Variants in KSR2 observed in about 807,000 individuals in gnomAD.
KSR2 encodes the protein kinase suppressor of ras 2.
In KSR2, 25 loss-of-function variants were observed where a neutral mutation model predicts 107.8. The observed-to-expected ratio is 0.23, with a 90% CI of 0.17 to 0.32. KSR2 has a LOEUF of 0.32. Ranked by LOEUF, KSR2 falls within the 10% of genes least tolerant of loss-of-function variation. The pLI is 1.00. For missense variants in KSR2, 887 were observed against 1,268.9 expected, an observed-to-expected ratio of 0.70 and a Z score of 4.57; for synonymous variants, 480 against 507.0, an observed-to-expected ratio of 0.95 and a Z score of 0.71.
intron 1 of KSR2, among the ~76,000 whole-genome samples, chr12:117,867,533 G>A (rs897216284): frequency 3.9e-5 from 6 of 152,100 alleles, no homozygotes; most frequent in Non-Finnish European, 5.9e-5. Flanking sequence ...TTTCAATGAC[G>A]CTGGCCATGT....
At chr12:117,527,011 G>T (rs1875213860) in intron 13 of KSR2, 60 bp downstream of exon 13, 1 of 1,468,862 alleles carries the variant, frequency 6.8e-7, no homozygotes, top group Non-Finnish European at 9.5e-7. Context: ...ACGTCAGTCG[G>T]CTTTGCCAAG....
intron 6 of KSR2, 136 bp downstream of exon 6, chr12:117,582,154 G>T: frequency 1.5e-6 from 1 of 671,584 alleles, no homozygotes; most frequent in Non-Finnish European, 2.6e-6. Flanking sequence ...TAGCCGAGCA[G>T]AGGAGAAAGG....
intron 5 of KSR2, among the ~76,000 whole-genome samples, chr12:117,651,901 C>T (rs1737158624): frequency 6.6e-6 from 1 of 152,192 alleles, no homozygotes; most frequent in Admixed American, 6.5e-5. Context: ...CACTCAACTA[C>T]AAAATTTACA....
intron 14 of KSR2, among the ~76,000 whole-genome samples, chr12:117,518,443 T>A (rs1266505422): frequency 1.3e-5 from 2 of 152,218 alleles, no homozygotes; most frequent in African/African-American, 4.8e-5. Flanking sequence ...TAGGTGGAAA[T>A]GGCAAACTGA....
At chr12:117,732,490 A>T (rs1887771703) in intron 4 of KSR2, among the ~76,000 whole-genome samples, 1 of 152,004 alleles carries the variant, frequency 6.6e-6, no homozygotes, top group South Asian at 2.1e-4. Context: ...GGGTTTCACC[A>T]TGTTGGCCAG....
rs1242393082 is a variant in KSR2, at chr12:117,513,997, G to A, written c.2219+10855C>T. Among the ~76,000 whole-genome samples the A allele has an allele frequency of 2.6e-5, 4 of 152,210 alleles. No homozygotes were observed. In the East Asian group the frequency reaches 7.7e-4, roughly 29 times the overall value. ...GTTAATTACAACGTTGTCTCCCTAT[G>A]TAAAGCTGTCCCCATACTCCCAAAT... On this transcript the variant is annotated intron_variant, in intron 14 of 19. Transcript: ENST00000339824.
rs765537350 is a variant in KSR2 at position 117,484,372 on chromosome 12, A to T, written c.2450+44T>A. The T allele has an allele frequency of 8.8e-5, 141 of 1,607,250 alleles. 1 individual carries two copies. The highest frequency in any genetic ancestry group is 5.7e-4 in the South Asian group (51 of 90,054). On this transcript the variant is annotated intron_variant, in intron 16 of 19. Coordinates refer to ENST00000339824, the MANE Select transcript of KSR2 (RefSeq NM_173598.6). The stretch of plus-strand genomic sequence containing the variant: ...TGGACTAACTTCCCACCTCCTGACC[A>T]TCATCTGTCAGGAAACTCTCCGGGT...
In KSR2 at chr12:117,555,274, C is replaced by T. The variant is rs1243071845; in HGVS notation, c.1413G>A (p.Arg471=). ...IHRGDPARLV[R]TESVPCDINN... Reference sequence around the variant, plus strand: ...TGATGTCACACGGAACGGACTCTGTCCGGACTAACCTTGCTGGATCCGTAG... The same window carrying T: ...TGATGTCACACGGAACGGACTCTGTTCGGACTAACCTTGCTGGATCCGTAG... Residue 471 remains arginine, a synonymous_variant, in exon 9 of 20, where the codon CGG becomes CGA. Coordinates refer to ENST00000339824, the MANE Select transcript of KSR2 (RefSeq NM_173598.6). The T allele has an allele frequency of 6.2e-7, 1 of 1,613,922 alleles. No homozygotes were observed. The highest frequency in any genetic ancestry group is 1.1e-5 in the South Asian group (1 of 91,070).
intron 1 of KSR2, among the ~76,000 whole-genome samples, chr12:117,891,339 C>T (rs1894334519): frequency 6.6e-6 from 1 of 151,634 alleles, no homozygotes; most frequent in South Asian, 2.1e-4. Flanking sequence ...TTGCTTGAAC[C>T]CAGGAGGCAG....
chr12:117,539,664 T>G, intron 10 of KSR2, 55 bp downstream of exon 10: 2 of 1,271,972 alleles, frequency 1.6e-6, no homozygotes, highest in Non-Finnish European at 2.2e-6. Flanking sequence ...ACCCCCTCCC[T>G]AATCTCTGCC....
At chr12:117,571,584 C>G (rs929494008) in intron 7 of KSR2, among the ~76,000 whole-genome samples, 8 of 152,108 alleles carry the variant, frequency 5.3e-5, no homozygotes, top group Non-Finnish European at 1.2e-4. Context: ...CACTGGAAAT[C>G]TGATCAGAAC....
chr12:117,856,213 C>T (rs1477308821), intron 2 of KSR2, among the ~76,000 whole-genome samples: 4 of 152,154 alleles, frequency 2.6e-5, no homozygotes, highest in East Asian at 1.9e-4. Context: ...TGGAGTATAG[C>T]GTGGAGTGGG....
chr12:117,766,193 T>C (rs1889220587), intron 3 of KSR2, among the ~76,000 whole-genome samples: 1 of 152,318 alleles, frequency 6.6e-6, no homozygotes, highest in South Asian at 2.1e-4. Context: ...ATGTGGTACG[T>C]CCATATAATG....
At chr12:117,668,147 C>CGAAA (rs1884745683) in intron 4 of KSR2, among the ~76,000 whole-genome samples, 1 of 152,358 alleles carries the variant, frequency 6.6e-6, no homozygotes, top group Non-Finnish European at 1.5e-5. Context: ...ACTGCCCTTC[C>CGAAA]TCCATGTAAC....
chr12:117,714,314 T>C (rs1176458351), intron 4 of KSR2, among the ~76,000 whole-genome samples: 1 of 152,088 alleles, frequency 6.6e-6, no homozygotes, highest in Non-Finnish European at 1.5e-5. Flanking sequence ...CCTCTTATGC[T>C]GATTCTCCTG....
At chr12:117,853,841 G>A (rs1279312930) in intron 3 of KSR2, among the ~76,000 whole-genome samples, 1 of 152,162 alleles carries the variant, frequency 6.6e-6, no homozygotes, top group East Asian at 1.9e-4. Flanking sequence ...TCAGCCAGGA[G>A]TGATTTTGCC....
chr12:117,801,553 T>C (rs1190000275), intron 3 of KSR2, among the ~76,000 whole-genome samples: 1 of 152,144 alleles, frequency 6.6e-6, no homozygotes, highest in East Asian at 1.9e-4. Flanking sequence ...CTTACAATCC[T>C]AGCAGAAGGC....
At chr12:117,618,077 T>C (rs1881980545) in intron 5 of KSR2, among the ~76,000 whole-genome samples, 1 of 152,204 alleles carries the variant, frequency 6.6e-6, no homozygotes, top group Non-Finnish European at 1.5e-5. Context: ...TTCTTAAAAT[T>C]GGGCATAAAA....
At chr12:117,732,080 G>T (rs977348727) in intron 4 of KSR2, among the ~76,000 whole-genome samples, 1 of 151,398 alleles carries the variant, frequency 6.6e-6, no homozygotes, top group Non-Finnish European at 1.5e-5. Context: ...GTCAAGCTCA[G>T]ATCCCCTGAG....
Sources: allele counts gnomAD v4.1 joint callset (sites outside exome capture counted in the v4.1 genomes callset), GRCh38; gene constraint gnomAD v4.1.1; transcripts MANE v1.5; gene names NCBI Gene and HGNC (gene_info 2026-07-23, HGNC 2026-07-21).